Variants in TRAPPC8 observed in about 807,000 individuals in gnomAD.
The protein encoded by TRAPPC8 is trafficking protein particle complex subunit 8.
Under a neutral mutation model 174.3 loss-of-function variants are expected in TRAPPC8, and 54 were observed. That is an observed-to-expected ratio of 0.31 (90% confidence interval 0.25 to 0.39). The LOEUF (loss-of-function observed/expected upper bound fraction) is 0.39. Ranked by LOEUF, TRAPPC8 falls within the 10% of genes least tolerant of loss-of-function variation. The pLI, the probability that TRAPPC8 is intolerant of heterozygous loss-of-function variation, is 1.00. For missense variants in TRAPPC8, 1,531 were observed against 1,699.1 expected (o/e 0.90, Z 1.74); for synonymous variants, 630 against 579.9 (o/e 1.09, Z -1.24).
rs190665070 is a variant in TRAPPC8, at chr18:31,942,574, G to T, written c.157+34C>A. The T allele has an allele frequency of 3.5e-4, 530 of 1,494,464 alleles. No homozygotes were observed. In the African/African-American group the frequency reaches 7.0e-3, roughly 20 times the overall value. 92.6% of individuals were successfully genotyped at this position (1,494,464 alleles called of 1,614,324 possible). A position where few individuals can be genotyped will look rare whatever the true frequency, so the allele number is the denominator to read the frequency against. ...TTCCTTCTCCCGACCACGGCTTTGC[G>T]GGAGCCCACTGGAAAAGGGAGGATA... On this transcript the variant is annotated intron_variant, in intron 1 of 28. Coordinates refer to ENST00000283351, the MANE Select transcript of TRAPPC8 (RefSeq NM_014939.5).
intron 2 of TRAPPC8, among the ~76,000 whole-genome samples, chr18:31,918,157 A>G: frequency 6.7e-6 from 1 of 150,034 alleles, no homozygotes; most frequent in South Asian, 2.1e-4. Flanking sequence ...AACTGAGTAT[A>G]TATGTACACA....
intron 2 of TRAPPC8, among the ~76,000 whole-genome samples, chr18:31,921,729 C>T (rs1407668583): frequency 6.6e-6 from 1 of 151,986 alleles, no homozygotes; most frequent in Non-Finnish European, 1.5e-5. Context: ...GCTTTCTCAT[C>T]TCACCTTCTG....
At chr18:31,860,673 C>T (rs1302219992) in intron 19 of TRAPPC8, among the ~76,000 whole-genome samples, 1 of 152,120 alleles carries the variant, frequency 6.6e-6, no homozygotes, top group Non-Finnish European at 1.5e-5. Flanking sequence ...TCATGTCTTC[C>T]ACTGTCTGTC....
chr18:31,931,489 T>C lies in TRAPPC8; in HGVS notation c.192A>G (p.Val64=). The C allele has an allele frequency of 6.2e-7, 1 of 1,602,974 alleles. No individual in the cohort carries two copies. Among genetic ancestry groups the C allele is most frequent in the Non-Finnish European group, 8.5e-7 (1 of 1,176,028 alleles). Residue 64 remains valine (V), a synonymous_variant, in exon 2 of 29, where the codon GTA becomes GTG. Transcript: ENST00000283351. ...TTACTGCTATCTTCAAATTTTTAAT[T>C]ACGTGAAGTTGATTATTAGGATCTC... ...HMRDPNNQLH[V]IKNLKIAVSN...
At chr18:31,919,591 AAAT>A (rs10580262) in intron 2 of TRAPPC8, among the ~76,000 whole-genome samples, 1,083 of 65,012 alleles carry the variant, frequency 0.017, 29 homozygotes, top group Middle Eastern at 0.036. Flanking sequence ...TAAATAAATA[AAAT>A]AATAATAATC....
At chr18:31,839,002 T>A (rs953056237) in intron 27 of TRAPPC8, among the ~76,000 whole-genome samples, 3 of 152,198 alleles carry the variant, frequency 2.0e-5, no homozygotes, top group Non-Finnish European at 4.4e-5. Flanking sequence ...CCATCTTTTA[T>A]TTGCAAAACT....
chr18:31,913,295 TATACTAGTTAAACCA>T, intron 5 of TRAPPC8, 59 bp downstream of exon 5: 1 of 1,442,176 alleles, frequency 6.9e-7, no homozygotes. Flanking sequence ...TATGAATAAT[TATACTAGTTAAACCA>T]AAACGTAAAA....
At position 31,909,634 on chromosome 18, in the gene TRAPPC8, C is replaced by A; in HGVS notation, c.865+33G>T. Reference sequence around the variant, plus strand: ...TCTGACAACAGTGCATATTTTCAATCAAAAGAGAAACTTAGAGAAAATATA... The same window carrying A: ...TCTGACAACAGTGCATATTTTCAATAAAAAGAGAAACTTAGAGAAAATATA... On this transcript the variant is annotated intron_variant, in intron 6 of 28. Transcript: ENST00000283351. The A allele has an allele frequency of 1.9e-6, 3 of 1,578,074 alleles. No individual in the cohort carries two copies. In the South Asian group the frequency reaches 3.6e-5, roughly 19 times the overall value.
chr18:31,919,489 C>A (rs551982986), intron 2 of TRAPPC8, among the ~76,000 whole-genome samples: 2 of 149,358 alleles, frequency 1.3e-5, no homozygotes, highest in Non-Finnish European at 3.0e-5. Flanking sequence ...GCTGAGATGG[C>A]GTCACTGTAC....
In TRAPPC8 at chr18:31,900,929, A is replaced by C; in HGVS notation, c.1486T>G (p.Cys496Gly). 6.3e-7 allele frequency: 1 copy of C among 1,587,410 alleles called. No homozygotes were observed. Among genetic ancestry groups the C allele is most frequent in the Non-Finnish European group, 8.5e-7 (1 of 1,172,060 alleles). The stretch of plus-strand genomic sequence containing the variant: ...AAATCTTATATAGTCACCTACTTGC[A>C]GATATCTCTGTATGTCTGAATTGCT... ...DTAIQTYRDI[C>G]KNMVLAERCV... is the part of the protein sequence containing the mutation. Residue 496 changes from cysteine to glycine, a missense_variant, in exon 10 of 29, where the codon TGC (cysteine) becomes GGC (glycine). Cys to Gly is a radical substitution (Grantham distance 159, BLOSUM62 -3). Transcript: ENST00000283351.
At chr18:31,867,586 TAC>T in intron 16 of TRAPPC8, 110 bp from the exon 17 acceptor site, 2 of 750,252 alleles carry the variant, frequency 2.7e-6, no homozygotes, top group African/African-American at 1.8e-5. Context: ...AGTCTGCATT[TAC>T]TTGGTTTTTA....
intron 19 of TRAPPC8, among the ~76,000 whole-genome samples, chr18:31,863,748 C>G (rs1042854491): frequency 1.1e-4 from 16 of 152,032 alleles, no homozygotes; most frequent in Admixed American, 8.5e-4. Context: ...TTCACCCTTA[C>G]ATTACATGAC....
At chr18:31,861,685 G>A (rs1391963911) in intron 19 of TRAPPC8, among the ~76,000 whole-genome samples, 4 of 152,048 alleles carry the variant, frequency 2.6e-5, no homozygotes, top group East Asian at 1.9e-4. Flanking sequence ...GCCTATAACC[G>A]CAGCACTTTG....
intron 6 of TRAPPC8, 83 bp downstream of exon 6, chr18:31,909,584 C>CT: frequency 6.7e-7 from 1 of 1,493,314 alleles, no homozygotes. Context: ...TTTCCCCCAT[C>CT]TTTTATCTAT....
chr18:31,902,975 G>A (rs540881358), intron 9 of TRAPPC8, among the ~76,000 whole-genome samples: 4 of 151,664 alleles, frequency 2.6e-5, no homozygotes, highest in African/African-American at 7.3e-5. Flanking sequence ...CGTGAACCCC[G>A]GGGAGCGGAG....
At chr18:31,925,708 T>A (rs990553738) in intron 2 of TRAPPC8, among the ~76,000 whole-genome samples, 1 of 152,156 alleles carries the variant, frequency 6.6e-6, no homozygotes, top group Non-Finnish European at 1.5e-5. Context: ...AATTTCAAAA[T>A]AGCAGGGATG....
intron 26 of TRAPPC8, among the ~76,000 whole-genome samples, chr18:31,839,858 C>T (rs189326485): frequency 1.2e-4 from 19 of 152,268 alleles, no homozygotes; most frequent in Admixed American, 3.9e-4. Flanking sequence ...TGCAGACATT[C>T]GATTGCATAG....
chr18:31,897,780 C>G lies in TRAPPC8; in HGVS notation c.1596+6G>C. 1 of 1,573,036 alleles carries G rather than the reference C, an allele frequency of 6.4e-7. No homozygotes were observed. Among genetic ancestry groups the G allele is most frequent in the Non-Finnish European group, 8.6e-7 (1 of 1,157,282 alleles). ...AATTAAAGCAAATACTACACAGTTTCAGTACCTCACTGGTCAACCGTATTA... is the reference window on the plus strand; with the variant it reads ...AATTAAAGCAAATACTACACAGTTTGAGTACCTCACTGGTCAACCGTATTA... On this transcript the variant is annotated splice_donor_region_variant and intron_variant, in intron 11 of 28. Coordinates refer to ENST00000283351, the MANE Select transcript of TRAPPC8 (RefSeq NM_014939.5).
At chr18:31,929,681 T>A (rs1427424112) in intron 2 of TRAPPC8, among the ~76,000 whole-genome samples, 2 of 151,954 alleles carry the variant, frequency 1.3e-5, no homozygotes, top group African/African-American at 4.8e-5. Context: ...ATACTATAAA[T>A]AAAAATAAAA....
Sources: gnomAD v4.1 joint callset for allele counts (sites outside exome capture counted in the v4.1 genomes callset) on GRCh38, gnomAD v4.1.1 for gene constraint, MANE v1.5 for transcripts, NCBI Gene and HGNC (gene_info 2026-07-23, HGNC 2026-07-21) for gene names.